The following CHIC1 variants were observed in gnomAD, a reference collection of about 807,000 sequenced individuals.
CHIC1 encodes the protein cysteine-rich hydrophobic domain-containing protein 1.
A neutral mutation model predicts 18.5 loss-of-function variants in CHIC1; 7 were observed. The observed-to-expected ratio is 0.38, with a 90% confidence interval of 0.22 to 0.71. CHIC1 has a LOEUF of 0.71. Among genes scored for constraint, CHIC1 ranks in the 30% least tolerant of loss-of-function variants. The pLI, the probability that CHIC1 is intolerant of heterozygous loss-of-function variation, is 0.49. For missense variants in CHIC1, 159 were observed against 176.9 expected (o/e 0.90, Z 0.57); for synonymous variants, 77 against 73.5 (o/e 1.05, Z -0.25).
chrX:73,600,606 A>C lies in CHIC1; in HGVS notation c.507+16034A>C, dbSNP rs1331965006. ...ATTGAGATAATCATGTGGTTTTTGT[A>C]TTTGGCTCTGTTTATATGCTGGATT... On this transcript the variant is annotated intron_variant, in intron 3 of 5. Coordinates refer to ENST00000373502, the MANE Select transcript of CHIC1 (RefSeq NM_001039840.4). Among the ~76,000 whole-genome samples, 25 of 108,135 alleles carry C rather than the reference A, an allele frequency of 2.3e-4. 1 individual carries two copies. Among genetic ancestry groups the C allele is most frequent in the African/African-American group, 6.5e-4 (18 of 27,881 alleles). The allele number at this position is 108,135 out of a possible 115,157, so 93.9% of individuals were successfully genotyped here. A position where few individuals can be genotyped will look rare whatever the true frequency, so the allele number is the denominator to read the frequency against.
chrX:73,569,421 A>G (rs967581888), intron 1 of CHIC1, among the ~76,000 whole-genome samples: 1 of 111,581 alleles, frequency 9.0e-6, no homozygotes, highest in Non-Finnish European at 1.9e-5. Context: ...CGTTGAAGAC[A>G]TTTGATGAAG....
At chrX:73,648,712 A>T (rs1361175637) in intron 3 of CHIC1, among the ~76,000 whole-genome samples, 1 of 111,972 alleles carries the variant, frequency 8.9e-6, no homozygotes, top group Non-Finnish European at 1.9e-5. Flanking sequence ...GAAATATGGG[A>T]CTATATAAAG....
intron 3 of CHIC1, among the ~76,000 whole-genome samples, chrX:73,657,573 G>A (rs1441716374): frequency 8.9e-6 from 1 of 112,070 alleles, no homozygotes; most frequent in Non-Finnish European, 1.9e-5. Context: ...AATAAAGATA[G>A]TTTAACTTCC....
At chrX:73,656,427 G>T (rs1475918156) in intron 3 of CHIC1, among the ~76,000 whole-genome samples, 1 of 111,932 alleles carries the variant, frequency 8.9e-6, no homozygotes, top group Non-Finnish European at 1.9e-5. Context: ...GGATTTTATA[G>T]TTTGGGGTTT....
chrX:73,643,082 G>A (rs928859770), intron 3 of CHIC1, among the ~76,000 whole-genome samples: 7 of 111,523 alleles, frequency 6.3e-5, no homozygotes, highest in Non-Finnish European at 1.3e-4. Flanking sequence ...AAATCTCTCA[G>A]CATTTGCTTG....
chrX:73,610,740 A>G (rs969618678), intron 3 of CHIC1, among the ~76,000 whole-genome samples: 37 of 108,425 alleles, frequency 3.4e-4, no homozygotes, highest in Non-Finnish European at 5.5e-4. Context: ...TTTTTAAATT[A>G]CTGCTTCAAT....
At chrX:73,672,934 AT>A (rs1181655744) in intron 3 of CHIC1, among the ~76,000 whole-genome samples, 1 of 111,778 alleles carries the variant, frequency 8.9e-6, no homozygotes, top group African/African-American at 3.3e-5. Flanking sequence ...TCTTGAATTA[AT>A]TTTTGTATAA....
intron 3 of CHIC1, among the ~76,000 whole-genome samples, chrX:73,614,159 T>A (rs1022712646): frequency 1.3e-4 from 14 of 111,710 alleles, no homozygotes; most frequent in African/African-American, 4.6e-4. Context: ...TGGCTGGCAT[T>A]ATTTTTTTTT....
intron 3 of CHIC1, among the ~76,000 whole-genome samples, chrX:73,619,055 A>G (rs2057746630): frequency 9.0e-6 from 1 of 111,682 alleles, no homozygotes; most frequent in Admixed American, 9.4e-5. Context: ...TCTTTCTCCC[A>G]TGATCTGGAC....
chrX:73,650,152 AC>A (rs1911496376), intron 3 of CHIC1, among the ~76,000 whole-genome samples: 1 of 112,322 alleles, frequency 8.9e-6, no homozygotes, highest in African/African-American at 3.2e-5. Context: ...CAATGAGACA[AC>A]GTACCAGAAT....
chrX:73,613,235 C>T (rs1297152926), intron 3 of CHIC1, among the ~76,000 whole-genome samples: 1 of 111,267 alleles, frequency 9.0e-6, no homozygotes, highest in African/African-American at 3.3e-5. Flanking sequence ...ATAGTTGGTT[C>T]TATAATTTGA....
At chrX:73,643,482 C>T (rs773689558) in intron 3 of CHIC1, among the ~76,000 whole-genome samples, 1 of 111,799 alleles carries the variant, frequency 8.9e-6, no homozygotes, top group Admixed American at 9.5e-5. Flanking sequence ...TGGTTCCATT[C>T]TCCCCGTCAC....
At chrX:73,601,404 T>C (rs1426027129) in intron 3 of CHIC1, among the ~76,000 whole-genome samples, 3 of 105,295 alleles carry the variant, frequency 2.8e-5, no homozygotes, top group Non-Finnish European at 5.8e-5. Flanking sequence ...GGATTAAGAA[T>C]CTCACTCAAA....
chrX:73,676,143 T>C (rs1359276935), intron 3 of CHIC1, among the ~76,000 whole-genome samples: 1 of 112,054 alleles, frequency 8.9e-6, no homozygotes, highest in African/African-American at 3.2e-5. Flanking sequence ...AACCAGACCT[T>C]TCTCTCTGGC....
intron 2 of CHIC1, among the ~76,000 whole-genome samples, chrX:73,579,401 C>T (rs2057515813): frequency 1.8e-5 from 2 of 110,658 alleles, no homozygotes; most frequent in South Asian, 7.4e-4. Flanking sequence ...GACTATTCTT[C>T]ATCATTGTAT....
At chrX:73,660,887 G>A (rs986763033) in intron 3 of CHIC1, among the ~76,000 whole-genome samples, 1 of 111,934 alleles carries the variant, frequency 8.9e-6, no homozygotes, top group Admixed American at 9.5e-5. Context: ...TGTCTTGAGA[G>A]GTTTTAGCAA....
rs1255701761 is a variant in CHIC1, at chrX:73,605,124, G to A, written c.507+20552G>A. Among the ~76,000 whole-genome samples the A allele has an allele frequency of 3.7e-5, 4 of 108,017 alleles. 1 individual carries two copies. Among genetic ancestry groups the A allele is most frequent in the African/African-American group, 1.4e-4 (4 of 27,708 alleles). 93.8% of individuals were successfully genotyped at this position (108,017 alleles called of 115,157 possible). The stretch of plus-strand genomic sequence containing the variant: ...TGTTAAAGTCTCCCACTATTATCGT[G>A]TAGGAGTCTGAGTCTCTTTATAGGT... On this transcript the variant is annotated intron_variant, in intron 3 of 5. Coordinates refer to ENST00000373502, the MANE Select transcript of CHIC1 (RefSeq NM_001039840.4).
chrX:73,650,639 G>A (rs377640320), intron 3 of CHIC1, among the ~76,000 whole-genome samples: 29 of 97,868 alleles, frequency 3.0e-4, no homozygotes, highest in African/African-American at 9.0e-4. Flanking sequence ...GGAAGAAGTC[G>A]AATTCTTGAA....
At chrX:73,666,905 C>T (rs6647405) in intron 3 of CHIC1, among the ~76,000 whole-genome samples, 20,546 of 110,786 alleles carry the variant, frequency 0.19, 2,130 homozygotes, top group East Asian at 0.94. Context: ...TCCTGAATAT[C>T]TGTTAATCTT....
Sources: gnomAD v4.1 joint callset for allele counts (sites outside exome capture counted in the v4.1 genomes callset) on GRCh38, gnomAD v4.1.1 for gene constraint, MANE v1.5 for transcripts, NCBI Gene and HGNC (gene_info 2026-07-23, HGNC 2026-07-21) for gene names.